Variants in SMAD4 observed in about 807,000 individuals in gnomAD.
SMAD4 encodes MAD homolog 4.
In SMAD4, 7 loss-of-function variants were observed where a neutral mutation model predicts 63.2. That is an observed-to-expected ratio of 0.11 (90% CI 0.06 to 0.21). The LOEUF (loss-of-function observed/expected upper bound fraction) is 0.21. Ranked by LOEUF, SMAD4 falls within the 10% of genes least tolerant of loss-of-function variation. The pLI, the probability that SMAD4 is intolerant of heterozygous loss-of-function variation, is 1.00. For missense variants in SMAD4, 312 were observed against 693.8 expected, an observed-to-expected ratio of 0.45 and a Z score of 6.18; for synonymous variants, 215 against 235.4, an observed-to-expected ratio of 0.91 and a Z score of 0.79.
intron 8 of SMAD4, among the ~76,000 whole-genome samples, chr18:51,062,430 C>T (rs986714276): frequency 5.3e-5 from 8 of 152,122 alleles, no homozygotes; most frequent in Admixed American, 5.2e-4. Flanking sequence ...CTTTCCTTCT[C>T]CCCAGAGGTA....
intron 1 of SMAD4, among the ~76,000 whole-genome samples, chr18:51,036,872 A>G (rs1909220671): frequency 6.6e-6 from 1 of 152,192 alleles, no homozygotes; most frequent in African/African-American, 2.4e-5. Flanking sequence ...GTTTTATGAA[A>G]TGAGGCCGGG....
chr18:51,053,763 T>C (rs1909770020), intron 4 of SMAD4: 1 of 152,132 alleles, frequency 6.6e-6, no homozygotes, highest in African/African-American at 2.4e-5. Context: ...GGAAATGATA[T>C]GCTGGTTCTT....
chr18:51,056,742 ATTGT>A (rs1381082539), intron 5 of SMAD4, among the ~76,000 whole-genome samples: 2 of 151,970 alleles, frequency 1.3e-5, no homozygotes, highest in Non-Finnish European at 2.9e-5. Flanking sequence ...ATTTAGTCGT[ATTGT>A]TTAACTTTAT....
chr18:51,069,266 G>A (rs1205932694), intron 10 of SMAD4, among the ~76,000 whole-genome samples: 1 of 152,066 alleles, frequency 6.6e-6, no homozygotes, highest in Admixed American at 6.6e-5. Flanking sequence ...ACAGGTGTGT[G>A]CCACCACGCC....
intron 8 of SMAD4, among the ~76,000 whole-genome samples, chr18:51,060,615 TGAA>T (rs1909982629): frequency 6.6e-6 from 1 of 152,172 alleles, no homozygotes; most frequent in Non-Finnish European, 1.5e-5. Flanking sequence ...AAGAAAATTA[TGAA>T]GAATTATATT....
At chr18:51,068,446 A>G (rs932999950) in intron 10 of SMAD4, among the ~76,000 whole-genome samples, 2 of 152,220 alleles carry the variant, frequency 1.3e-5, no homozygotes, top group African/African-American at 4.8e-5. Flanking sequence ...AAATCTATAC[A>G]GACTTCTGAA....
chr18:51,063,536 C>G (rs1263881898), intron 8 of SMAD4, among the ~76,000 whole-genome samples: 1 of 152,120 alleles, frequency 6.6e-6, no homozygotes, highest in Non-Finnish European at 1.5e-5. Flanking sequence ...TCTCAGCCTC[C>G]CGTGTAGCTG....
chr18:51,073,115 C>G (rs1461235366), intron 10 of SMAD4, among the ~76,000 whole-genome samples: 1 of 151,890 alleles, frequency 6.6e-6, no homozygotes, highest in African/African-American at 2.4e-5. Context: ...ACTGCATCTA[C>G]AGATGCAAGT....
intron 2 of SMAD4, among the ~76,000 whole-genome samples, chr18:51,047,774 A>C (rs1687165574): frequency 6.6e-6 from 1 of 152,136 alleles, no homozygotes; most frequent in African/African-American, 2.4e-5. Flanking sequence ...ATGCCTGGCT[A>C]ATTTTTGTAT....
intron 1 of SMAD4, among the ~76,000 whole-genome samples, chr18:51,034,874 A>G (rs1297620345): frequency 6.6e-6 from 1 of 152,194 alleles, no homozygotes; most frequent in Non-Finnish European, 1.5e-5. Context: ...CTGTACTTTT[A>G]GATCCCTTGA....
In SMAD4 at chr18:51,078,600, T is replaced by C; in HGVS notation, c.*133T>C. The C allele has an allele frequency of 1.4e-6, 1 of 716,420 alleles. No individual in the cohort carries two copies. Among genetic ancestry groups the C allele is most frequent in the Non-Finnish European group, 2.3e-6 (1 of 438,828 alleles). The allele number at this position is 716,420 out of a possible 1,614,324, so 44.4% of individuals were successfully genotyped here. ...CATAAAGGGTTGAAAATGTGTTTGC[T>C]GCCTTGCTCCTAGCAGACAGAAACT... On this transcript the variant is annotated 3_prime_UTR_variant, in exon 12 of 12. Transcript: ENST00000342988.
chr18:51,040,854 G>T (rs749701646), intron 1 of SMAD4, among the ~76,000 whole-genome samples: 1 of 152,176 alleles, frequency 6.6e-6, no homozygotes, highest in African/African-American at 2.4e-5. Flanking sequence ...ATATGTTAGT[G>T]CCTTTCAGAT....
chr18:51,055,455 C>G (rs1909817670), intron 5 of SMAD4, among the ~76,000 whole-genome samples: 1 of 151,818 alleles, frequency 6.6e-6, no homozygotes, highest in Non-Finnish European at 1.5e-5. Flanking sequence ...TTATATATTG[C>G]TCAAGATAGA....
At chr18:51,038,525 G>A (rs150444182) in intron 1 of SMAD4, among the ~76,000 whole-genome samples, 2 of 152,252 alleles carry the variant, frequency 1.3e-5, no homozygotes, top group African/African-American at 4.8e-5. Context: ...TTCTGAGAAG[G>A]CTGTTAAAAT....
chr18:51,063,569 C>T (rs999647092), intron 8 of SMAD4, among the ~76,000 whole-genome samples: 2 of 152,122 alleles, frequency 1.3e-5, no homozygotes, highest in South Asian at 2.1e-4. Flanking sequence ...GACACAACCA[C>T]GCCCAGCCAA....
In SMAD4 at chr18:51,081,171, CTACTT is replaced by C. The variant is rs769541605; in HGVS notation, c.*2707_*2711del. ...TTCTCACAGGTTTAAAATTTTATGT[CTACTT>C]TAAGGGTAAAATTATGAGGTTATGG... On this transcript the variant is annotated 3_prime_UTR_variant, in exon 12 of 12. Coordinates refer to ENST00000342988, the MANE Select transcript of SMAD4 (RefSeq NM_005359.6). 3.2e-5 allele frequency: 7 copies of C among 221,446 alleles called. No individual in the cohort carries two copies. Among genetic ancestry groups the C allele is most frequent in the Non-Finnish European group, 5.4e-5 (6 of 111,026 alleles). 13.7% of individuals were successfully genotyped at this position (221,446 alleles called of 1,614,324 possible).
chr18:51,053,637 T>A (rs1187796328), intron 4 of SMAD4: 1 of 152,148 alleles, frequency 6.6e-6, no homozygotes, highest in Non-Finnish European at 1.5e-5. Context: ...ACTTGCACAA[T>A]GGATGATTAT....
intron 1 of SMAD4, among the ~76,000 whole-genome samples, chr18:51,043,508 T>G (rs1349606509): frequency 1.3e-5 from 2 of 152,204 alleles, no homozygotes; most frequent in African/African-American, 4.8e-5. Flanking sequence ...TTCCATAATC[T>G]AGAACCATTT....
intron 4 of SMAD4, chr18:51,052,703 G>T: frequency 4.5e-6 from 1 of 222,910 alleles, no homozygotes; most frequent in Non-Finnish European, 9.5e-6. Context: ...TCCCACCCCT[G>T]CCCCCATTCC....
Sources: allele counts gnomAD v4.1 joint callset (sites outside exome capture counted in the v4.1 genomes callset), GRCh38; gene constraint gnomAD v4.1.1; transcripts MANE v1.5; gene names NCBI Gene and HGNC (gene_info 2026-07-23, HGNC 2026-07-21).